The following TNRC6B variants were observed in gnomAD, a reference collection of about 807,000 sequenced individuals.
TNRC6B encodes trinucleotide repeat-containing gene 6B protein.
Under a neutral mutation model 203.6 loss-of-function variants are expected in TNRC6B, and 52 were observed. The observed-to-expected ratio is 0.26, with a 90% CI of 0.20 to 0.32. The LOEUF (loss-of-function observed/expected upper bound fraction) is 0.32. TNRC6B is among the 10% of genes least tolerant of loss of function. TNRC6B has a pLI of 1.00. For missense variants in TNRC6B, 1,923 were observed against 2,286.2 expected, an observed-to-expected ratio of 0.84 and a Z score of 3.24; for synonymous variants, 838 against 845.7, an observed-to-expected ratio of 0.99 and a Z score of 0.16.
chr22:40,162,431 A>G (rs1199309852), intron 4 of TNRC6B, among the ~76,000 whole-genome samples: 2 of 152,114 alleles, frequency 1.3e-5, no homozygotes, highest in Non-Finnish European at 2.9e-5. Context: ...TGACTACCCA[A>G]TTAGGCACTA....
intron 4 of TNRC6B, among the ~76,000 whole-genome samples, chr22:40,171,315 C>A (rs968656168): frequency 6.6e-6 from 1 of 151,824 alleles, no homozygotes; most frequent in African/African-American, 2.4e-5. Context: ...GTGCATGCTA[C>A]CACACCCGGC....
chr22:40,202,260 G>GTTTTTGTTTTTTTTTTTTTTT (rs761983025), intron 1 of TNRC6B, among the ~76,000 whole-genome samples: 3 of 129,776 alleles, frequency 2.3e-5, no homozygotes, highest in African/African-American at 5.5e-5. Context: ...TTGTTTTTTT[G>GTTTTTGTTTTTTTTTTTTTTT]TTTTTTTTTT....
At chr22:40,071,822 T>G (rs1054434606) in intron 1 of TNRC6B, among the ~76,000 whole-genome samples, 1 of 152,226 alleles carries the variant, frequency 6.6e-6, no homozygotes, top group Non-Finnish European at 1.5e-5. Context: ...TCTAGAGCGA[T>G]TTGTTCAGAT....
chr22:40,048,652 T>A (rs182847146), intron 1 of TNRC6B, among the ~76,000 whole-genome samples: 56 of 152,300 alleles, frequency 3.7e-4, no homozygotes, highest in African/African-American at 1.0e-3. Context: ...AACATTTTTT[T>A]AAAAATAACA....
At chr22:40,194,837 G>A (rs948730325) in intron 1 of TNRC6B, among the ~76,000 whole-genome samples, 17 of 152,204 alleles carry the variant, frequency 1.1e-4, no homozygotes, top group Non-Finnish European at 1.0e-4. Context: ...TTTAGGCACT[G>A]TGGTCCCTAA....
At chr22:40,239,203 A>C (rs2069992110) in intron 1 of TNRC6B, among the ~76,000 whole-genome samples, 1 of 151,650 alleles carries the variant, frequency 6.6e-6, no homozygotes, top group Non-Finnish European at 1.5e-5. Flanking sequence ...ACTCCATCTC[A>C]AAAAGAAAAG....
chr22:40,255,507 G>T (rs993266863), intron 3 of TNRC6B, among the ~76,000 whole-genome samples: 7 of 152,210 alleles, frequency 4.6e-5, no homozygotes, highest in African/African-American at 1.7e-4. Flanking sequence ...CTCACACCTT[G>T]TAGAAACACT....
At chr22:40,085,007 CTGT>C (rs2068089805) in intron 1 of TNRC6B, among the ~76,000 whole-genome samples, 1 of 152,194 alleles carries the variant, frequency 6.6e-6, no homozygotes, top group African/African-American at 2.4e-5. Flanking sequence ...TTTGTGATTT[CTGT>C]TGTTAGGTCA....
chr22:40,234,671 T>C (rs2069924184), intron 1 of TNRC6B, among the ~76,000 whole-genome samples: 1 of 152,152 alleles, frequency 6.6e-6, no homozygotes, highest in Non-Finnish European at 1.5e-5. Context: ...CATAATAAAA[T>C]TGAAGGCAGG....
At chr22:40,253,012 G>A (rs1259883200) in intron 3 of TNRC6B, among the ~76,000 whole-genome samples, 1 of 152,094 alleles carries the variant, frequency 6.6e-6, no homozygotes, top group Non-Finnish European at 1.5e-5. Context: ...CCAAGTGTTA[G>A]TTGTGCTGTA....
At chr22:40,226,773 G>A (rs1428672844) in intron 1 of TNRC6B, among the ~76,000 whole-genome samples, 3 of 152,128 alleles carry the variant, frequency 2.0e-5, no homozygotes, top group African/African-American at 7.2e-5. Context: ...CATTTCTTCT[G>A]TGTGCATATG....
chr22:40,294,274 G>A (rs958027848), intron 12 of TNRC6B, among the ~76,000 whole-genome samples: 2 of 151,844 alleles, frequency 1.3e-5, no homozygotes, highest in Admixed American at 6.6e-5. Context: ...CAGTCAATCA[G>A]TCAATCAATC....
intron 3 of TNRC6B, among the ~76,000 whole-genome samples, chr22:40,259,329 A>G (rs908637966): frequency 3.9e-5 from 6 of 152,004 alleles, no homozygotes; most frequent in Non-Finnish European, 8.8e-5. Flanking sequence ...GGTTCAAGCA[A>G]TTCTCGTCCT....
Position 40,333,445 on chromosome 22 carries a change from C to T in TNRC6B, c.*10204C>T, listed in dbSNP as rs1007543238. ...CAGGGTAAGAAGTGTCTGAATTTCTCTCTTCCAGCAGATCCATCCCCTGCA... is the reference window on the plus strand; with the variant it reads ...CAGGGTAAGAAGTGTCTGAATTTCTTTCTTCCAGCAGATCCATCCCCTGCA... On this transcript the variant is annotated 3_prime_UTR_variant, in exon 23 of 23. Transcript: ENST00000454349. 6.6e-6 allele frequency: 1 copy of T among 152,666 alleles called. No individual in the cohort carries two copies. Among genetic ancestry groups the T allele is most frequent in the African/African-American group, 2.4e-5 (1 of 41,456 alleles). 9.5% of individuals were successfully genotyped at this position (152,666 alleles called of 1,614,324 possible).
intron 4 of TNRC6B, among the ~76,000 whole-genome samples, chr22:40,163,744 A>G (rs1022887491): frequency 6.6e-6 from 1 of 152,036 alleles, no homozygotes; most frequent in Non-Finnish European, 1.5e-5. Context: ...CTGGGCAACA[A>G]GAGCGAAACT....
At chr22:40,255,522 G>T (rs2070260653) in intron 3 of TNRC6B, among the ~76,000 whole-genome samples, 1 of 152,188 alleles carries the variant, frequency 6.6e-6, no homozygotes. Flanking sequence ...AACACTGTGT[G>T]TTCTAACACA....
chr22:40,312,392 C>T, intron 17 of TNRC6B, 113 bp from the exon 18 acceptor site: 2 of 1,075,432 alleles, frequency 1.9e-6, no homozygotes, highest in Non-Finnish European at 2.6e-6. Context: ...ATCTAAGAGA[C>T]AATAAATTCA....
chr22:40,190,294 C>T (rs1362801301), intron 1 of TNRC6B, among the ~76,000 whole-genome samples: 2 of 152,274 alleles, frequency 1.3e-5, no homozygotes, highest in Non-Finnish European at 2.9e-5. Flanking sequence ...AAAAACCAAG[C>T]CCACTCCATT....
rs748167158 is a variant in TNRC6B, at chr22:40,285,705, G to T, written c.3643G>T (p.Val1215Leu). Residue 1215 changes from valine to leucine, a missense_variant, in exon 12 of 23, where the codon GTG becomes TTG. Val to Leu is a conservative substitution (Grantham distance 32, BLOSUM62 1). Around this residue, in one of 8 missense-constraint regions of TNRC6B, gnomAD observed 242 missense variants for 399.5 expected, o/e 0.61. Transcript: ENST00000454349. The stretch of plus-strand genomic sequence containing the variant: ...ACAATCGAGAGGTCTGCACACACCC[G>T]TGCAGCCACTAAATTCTTCTCCCAG... ...TAQSRGLHTP[V>L]QPLNSSPSLR... The T allele has an allele frequency of 1.2e-6, 2 of 1,613,930 alleles. No individual in the cohort carries two copies. Among genetic ancestry groups the T allele is most frequent in the South Asian group, 1.1e-5 (1 of 91,066 alleles).
Sources: allele counts gnomAD v4.1 joint callset (sites outside exome capture counted in the v4.1 genomes callset), GRCh38; gene constraint gnomAD v4.1.1; regional missense constraint gnomAD v4.1.1; transcripts MANE v1.5; gene names NCBI Gene and HGNC (gene_info 2026-07-23, HGNC 2026-07-21).